GCSH: variants seen among roughly 807,000 people sequenced by gnomAD.
The protein encoded by GCSH is glycine cleavage system H protein, mitochondrial.
Under a neutral mutation model 21.3 loss-of-function variants are expected in GCSH, and 15 were observed. The observed-to-expected ratio is 0.70, with a 90% CI of 0.47 to 1.08. GCSH has a LOEUF of 1.08. GCSH is among the 50% of genes least tolerant of loss of function. GCSH has a pLI of 0.00. For synonymous variants in GCSH, 59 were observed against 84.5 expected, an observed-to-expected ratio of 0.70 and a Z score of 1.66; for missense variants, 179 against 217.5, an observed-to-expected ratio of 0.82 and a Z score of 1.11.
chr16:81,084,486 A>C lies in GCSH; in HGVS notation c.401T>G (p.Val134Gly). The change falls in exon 4 of 5, where the codon GTA becomes GGA. Residue 134 changes from valine (V) to glycine (G), a missense_variant. Val to Gly is a moderately radical substitution (Grantham distance 109). Coordinates refer to ENST00000315467, the MANE Select transcript of GCSH (RefSeq NM_004483.5). ...NEALAENPGLVNKSCYEDGWL... is the reference protein window; with the variant it reads ...NEALAENPGLGNKSCYEDGWL... ...ACCATCTTCATAACAAGATTTGTTT[A>C]CAAGTCCTGGATTTTCTGCAAGAGC... The C allele has an allele frequency of 2.5e-6, 4 of 1,610,890 alleles. No homozygotes were observed. The highest frequency in any genetic ancestry group is 3.4e-6 in the Non-Finnish European group (4 of 1,177,076).
intron 1 of GCSH, chr16:81,091,109 T>TA (rs75731175): frequency 0.011 from 3,896 of 347,498 alleles, 9 homozygotes; most frequent in African/African-American, 0.023. Context: ...TGATTTAACC[T>TA]AAAAAAAAAA....
chr16:81,094,434 A>G (rs6420420), intron 1 of GCSH, among the ~76,000 whole-genome samples: 146,171 of 151,556 alleles, frequency 0.96, 70,695 homozygotes, highest in Middle Eastern at 1. Context: ...GAACCCGGGA[A>G]GCGAAGGTTG....
chr16:81,090,715 A>G, intron 1 of GCSH, 35 bp from the exon 2 acceptor site: 2 of 1,418,596 alleles, frequency 1.4e-6, no homozygotes, highest in Non-Finnish European at 2.0e-6. Flanking sequence ...GAAAAGCAGT[A>G]GCATTACTTC....
chr16:81,091,155 T>A (rs752512818), intron 1 of GCSH: 1 of 444,720 alleles, frequency 2.2e-6, no homozygotes, highest in Non-Finnish European at 4.5e-6. Flanking sequence ...TTAGGCAGAG[T>A]TGACCTAAGA....
chr16:81,094,176 A>G (rs1320068784), intron 1 of GCSH, among the ~76,000 whole-genome samples: 2 of 152,204 alleles, frequency 1.3e-5, no homozygotes, highest in East Asian at 3.9e-4. Flanking sequence ...CTGGGATTAA[A>G]GGCATGAGCC....
In GCSH at chr16:81,088,241, T is replaced by C. The variant is rs1170337280; in HGVS notation, c.229-577A>G. Among the ~76,000 whole-genome samples the C allele has an allele frequency of 2.6e-5, 4 of 152,128 alleles. No homozygotes were observed. In the East Asian group the frequency reaches 7.7e-4, roughly 29 times the overall value. ...GAGTTTGAGACCTGCCTTGGCAATATAGCAAGACCCTGTTCTCCAAAACTA... is the reference window on the plus strand; with the variant it reads ...GAGTTTGAGACCTGCCTTGGCAATACAGCAAGACCCTGTTCTCCAAAACTA... On this transcript the variant is annotated intron_variant, in intron 2 of 4. Transcript: ENST00000315467.
chr16:81,085,419 C>G (rs1171168700), intron 3 of GCSH, among the ~76,000 whole-genome samples: 5 of 152,102 alleles, frequency 3.3e-5, no homozygotes, highest in African/African-American at 4.8e-5. Flanking sequence ...GTGTCCTGGA[C>G]ACAGTAAATA....
rs1322444223 is a variant in GCSH at position 81,082,877 on chromosome 16, T to C, written c.511A>G (p.Ile171Val). 7.8e-7 allele frequency: 1 copy of C among 1,285,768 alleles called. No homozygotes were observed. The highest frequency in any genetic ancestry group is 1.5e-5 in the African/African-American group (1 of 68,384). The allele number at this position is 1,285,768 out of a possible 1,614,324, so 79.6% of individuals were successfully genotyped here. ...TAGGAGTTCCATTTTCACTCCTCAA[T>C]AGATTTTATGTATTTCTCATATGCT... ...EEAYEKYIKS[I>V]EE Residue 171 changes from isoleucine to valine, a missense_variant, in exon 5 of 5, where the codon ATT (isoleucine) becomes GTT (valine). Coordinates refer to ENST00000315467, the MANE Select transcript of GCSH (RefSeq NM_004483.5).
chr16:81,090,808 G>C, intron 1 of GCSH, 128 bp from the exon 2 acceptor site: 1 of 727,882 alleles, frequency 1.4e-6, no homozygotes, highest in Non-Finnish European at 2.5e-6. Flanking sequence ...CCTTTAAATA[G>C]TGCATGGCTC....
chr16:81,090,954 C>A, intron 1 of GCSH: 1 of 525,648 alleles, frequency 1.9e-6, no homozygotes, highest in Non-Finnish European at 3.4e-6. Context: ...TAGCCTAAAT[C>A]ACAAAAGAAA....
intron 2 of GCSH, 101 bp from the exon 3 acceptor site, chr16:81,087,765 T>C: frequency 1.2e-6 from 1 of 817,320 alleles, no homozygotes; most frequent in Non-Finnish European, 2.1e-6. Context: ...AATGAAGATT[T>C]AGTATATATT....
At chr16:81,085,818 C>G (rs1390774801) in intron 3 of GCSH, among the ~76,000 whole-genome samples, 3 of 152,094 alleles carry the variant, frequency 2.0e-5, no homozygotes, top group Non-Finnish European at 4.4e-5. Flanking sequence ...CGAGACCATG[C>G]CATTGCAGTC....
chr16:81,084,161 T>C (rs1206255305), intron 4 of GCSH: 3 of 501,164 alleles, frequency 6.0e-6, no homozygotes, highest in South Asian at 4.7e-5. Flanking sequence ...TGTATTTCTA[T>C]AGAGACAGAG....
chr16:81,093,936 C>T (rs999160901), intron 1 of GCSH, among the ~76,000 whole-genome samples: 5 of 152,178 alleles, frequency 3.3e-5, no homozygotes, highest in Non-Finnish European at 7.3e-5. Flanking sequence ...GAGTCTCACT[C>T]TGTCGCCCAA....
chr16:81,088,696 C>T (rs191033954), intron 2 of GCSH, among the ~76,000 whole-genome samples: 4 of 152,278 alleles, frequency 2.6e-5, no homozygotes, highest in South Asian at 2.1e-4. Flanking sequence ...CCACTGCGCC[C>T]GGCAAACACT....
intron 2 of GCSH, among the ~76,000 whole-genome samples, chr16:81,090,329 G>C (rs1171732293): frequency 6.6e-6 from 1 of 151,800 alleles, no homozygotes; most frequent in Non-Finnish European, 1.5e-5. Context: ...CGACCCTCCT[G>C]CCTTAGCCTC....
rs1156560876 is a variant in GCSH at position 81,091,185 on chromosome 16, G to A, written c.149-505C>T. On this transcript the variant is annotated intron_variant, in intron 1 of 4. Coordinates refer to ENST00000315467, the MANE Select transcript of GCSH (RefSeq NM_004483.5). Reference sequence around the variant, plus strand: ...CTAAGAGAGCTTCAGTGCAGCTTGGGTTACAAAGTAAAATTTTACAGGAAT... The same window carrying A: ...CTAAGAGAGCTTCAGTGCAGCTTGGATTACAAAGTAAAATTTTACAGGAAT... 4 of 414,336 alleles carry A rather than the reference G, an allele frequency of 9.7e-6. No homozygotes were observed. The East Asian group carries it at 2.8e-4, about 29-fold the overall frequency. The allele number at this position is 414,336 out of a possible 1,614,324, so 25.7% of individuals were successfully genotyped here. A position where few individuals can be genotyped will look rare whatever the true frequency, so the allele number is the denominator to read the frequency against.
At chr16:81,094,101 T>C (rs1288494468) in intron 1 of GCSH, among the ~76,000 whole-genome samples, 1 of 151,962 alleles carries the variant, frequency 6.6e-6, no homozygotes, top group East Asian at 1.9e-4. Flanking sequence ...GGTTTCACCA[T>C]GTTGGCCAGG....
intron 3 of GCSH, 106 bp downstream of exon 3, chr16:81,087,495 C>CAAA (rs372993879): frequency 1.3e-4 from 110 of 834,060 alleles, no homozygotes; most frequent in African/African-American, 9.9e-4. Flanking sequence ...AAGACTGTCT[C>CAAA]CAAAAAAAAA....
Sources: allele counts gnomAD v4.1 joint callset (sites outside exome capture counted in the v4.1 genomes callset), GRCh38; gene constraint gnomAD v4.1.1; transcripts MANE v1.5; gene names NCBI Gene and HGNC (gene_info 2026-07-23, HGNC 2026-07-21).